NR5A1: variants seen among roughly 807,000 people sequenced by gnomAD.
The protein encoded by NR5A1 is steroidogenic factor 1.
A neutral mutation model predicts 42.7 loss-of-function variants in NR5A1; 6 were observed. That is an observed-to-expected ratio of 0.14 (90% CI 0.08 to 0.28). NR5A1 has a LOEUF of 0.28. Among genes scored for constraint, NR5A1 ranks in the 10% least tolerant of loss-of-function variants. The pLI is 1.00. For synonymous variants in NR5A1, 274 were observed against 277.5 expected, an observed-to-expected ratio of 0.99 and a Z score of 0.12; for missense variants, 442 against 626.4, an observed-to-expected ratio of 0.71 and a Z score of 3.14.
At chr9:124,502,961 T>C in intron 3 of NR5A1, 118 bp downstream of exon 3, 1 of 1,351,312 alleles carries the variant, frequency 7.4e-7, no homozygotes. Context: ...GGCCCTAATG[T>C]CGCACGAGGG....
intron 6 of NR5A1, among the ~76,000 whole-genome samples, chr9:124,487,684 G>T (rs1418556882): frequency 1.3e-5 from 2 of 152,198 alleles, no homozygotes; most frequent in African/African-American, 2.4e-5. Context: ...TCCGGCCCAG[G>T]GCGGAGCCGC....
In NR5A1 at chr9:124,493,017, A is replaced by AG; in HGVS notation, c.990+12dup. 1 of 1,579,598 alleles carries AG rather than the reference A, an allele frequency of 6.3e-7. No individual in the cohort carries two copies. Among genetic ancestry groups the AG allele is most frequent in the Non-Finnish European group, 8.6e-7 (1 of 1,163,602 alleles). ...AGGGCGGGGCCCAGGGGCGGGGCCG[A>AG]GGGACTGGTCACCTCCTGCCCGGTG... On this transcript the variant is annotated intron_variant, in intron 5 of 6. Coordinates refer to ENST00000373588, the MANE Select transcript of NR5A1 (RefSeq NM_004959.5).
At chr9:124,487,699 G>C (rs896595144) in intron 6 of NR5A1, among the ~76,000 whole-genome samples, 1 of 152,238 alleles carries the variant, frequency 6.6e-6, no homozygotes, top group Non-Finnish European at 1.5e-5. Flanking sequence ...AGCCGCCCCC[G>C]AGGGGGACGC....
chr9:124,499,985 G>C, intron 4 of NR5A1, 105 bp downstream of exon 4: 1 of 1,557,030 alleles, frequency 6.4e-7, no homozygotes, highest in South Asian at 1.1e-5. Flanking sequence ...GGTACTGCCT[G>C]AAGCCAGTGG....
intron 1 of NR5A1, among the ~76,000 whole-genome samples, chr9:124,504,918 C>T (rs1832531488): frequency 6.7e-6 from 1 of 148,152 alleles, no homozygotes; most frequent in South Asian, 2.1e-4. Flanking sequence ...CCCCGCACCG[C>T]CGCCGGGGCC....
At position 124,501,342 on chromosome 9, in the gene NR5A1, C is replaced by A. The variant is rs962281173; in HGVS notation, c.245-627G>T. Among the ~76,000 whole-genome samples the A allele has an allele frequency of 6.6e-6, 1 of 152,260 alleles. No homozygotes were observed. Among genetic ancestry groups the A allele is most frequent in the Non-Finnish European group, 1.5e-5 (1 of 68,052 alleles). On this transcript the variant is annotated intron_variant, in intron 3 of 6. Transcript: ENST00000373588. The surrounding 1 kb of genome is among the most constrained non-coding windows in gnomAD (Gnocchi z 4.1). ...GCTTCAAAATGACTCAAGTATCCTTCACTGGCTGCGAATGTGAAGCCAAGT... is the reference window on the plus strand; with the variant it reads ...GCTTCAAAATGACTCAAGTATCCTTAACTGGCTGCGAATGTGAAGCCAAGT...
At chr9:124,483,762 G>T (rs1398160990) in intron 6 of NR5A1, among the ~76,000 whole-genome samples, 1 of 152,218 alleles carries the variant, frequency 6.6e-6, no homozygotes, top group Non-Finnish European at 1.5e-5. Flanking sequence ...CACTGTGGGT[G>T]GGAGTATCCC....
In NR5A1 at chr9:124,496,576, C is replaced by G. The variant is rs1832393590; in HGVS notation, c.871-3427G>C. Among the ~76,000 whole-genome samples the G allele has an allele frequency of 6.6e-6, 1 of 152,150 alleles. No homozygotes were observed. The highest frequency in any genetic ancestry group is 6.5e-5 in the Admixed American group (1 of 15,278). On this transcript the variant is annotated intron_variant, in intron 4 of 6. Transcript: ENST00000373588. This position sits in a 1 kb window ranked among gnomAD's most constrained non-coding sequence, Gnocchi z 5.0. ...CCCAGCAGGGCCCCTCTGGAGCCCCCTGGGGTCCGATTGGTCTGGCTGTGA... is the reference window on the plus strand; with the variant it reads ...CCCAGCAGGGCCCCTCTGGAGCCCCGTGGGGTCCGATTGGTCTGGCTGTGA...
chr9:124,495,496 T>C (rs1012564727), intron 4 of NR5A1, among the ~76,000 whole-genome samples: 1 of 152,162 alleles, frequency 6.6e-6, no homozygotes, highest in African/African-American at 2.4e-5. Context: ...CCGGCCAGAC[T>C]TCTGGGGACC....
intron 5 of NR5A1, among the ~76,000 whole-genome samples, chr9:124,492,210 G>A (rs1402386989): frequency 6.6e-6 from 1 of 151,092 alleles, no homozygotes; most frequent in Non-Finnish European, 1.5e-5. Flanking sequence ...CCAGCAGGCT[G>A]GACCCTGGCC....
chr9:124,494,959 G>C (rs113414825), intron 4 of NR5A1, among the ~76,000 whole-genome samples: 193 of 152,332 alleles, frequency 1.3e-3, no homozygotes, highest in African/African-American at 4.3e-3. Flanking sequence ...CCCGCTCTCT[G>C]TTCCCCTTCT....
At chr9:124,502,931 C>G (rs1420190074) in intron 3 of NR5A1, 148 bp downstream of exon 3, 10 of 1,195,982 alleles carry the variant, frequency 8.4e-6, no homozygotes, top group Non-Finnish European at 9.1e-6. Flanking sequence ...CGCCAGCGCC[C>G]GGTTCTCTTG....
At chr9:124,506,101 G>C (rs905401208) in intron 1 of NR5A1, among the ~76,000 whole-genome samples, 1 of 152,234 alleles carries the variant, frequency 6.6e-6, no homozygotes, top group Non-Finnish European at 1.5e-5. Context: ...GGCTTCGGTT[G>C]GAGCTGGGCC....
chr9:124,500,075 G>C lies in NR5A1; in HGVS notation c.870+15C>G. ...ACCATGATGCAGGGCCAGCCGGGCG[G>C]GAGGAGAGACTCACCTCCAGCTCCT... is the stretch of plus-strand genomic sequence containing the variant. On this transcript the variant is annotated intron_variant, in intron 4 of 6. Transcript: ENST00000373588. This position sits in a 1 kb window ranked among gnomAD's most constrained non-coding sequence, Gnocchi z 6.9. The C allele has an allele frequency of 6.2e-7, 1 of 1,613,096 alleles. No homozygotes were observed. Among genetic ancestry groups the C allele is most frequent in the South Asian group, 1.1e-5 (1 of 91,084 alleles).
rs1345266701 is a variant in NR5A1 at position 124,481,735 on chromosome 9, T to C, written c.*1023A>G. The C allele has an allele frequency of 6.6e-6, 1 of 152,214 alleles. No individual in the cohort carries two copies. Among genetic ancestry groups the C allele is most frequent in the African/African-American group, 2.4e-5 (1 of 41,426 alleles). The allele number at this position is 152,214 out of a possible 1,614,324, so 9.4% of individuals were successfully genotyped here. ...TGAAGCCCCCAACAGGGCATCCTGC[T>C]GTTCACCTAGTGGGTGGAGGGCGGG... On this transcript the variant is annotated 3_prime_UTR_variant, in exon 7 of 7. Coordinates refer to ENST00000373588, the MANE Select transcript of NR5A1 (RefSeq NM_004959.5).
Position 124,501,692 on chromosome 9 carries a change from C to G in NR5A1, c.245-977G>C, listed in dbSNP as rs192972454. Among the ~76,000 whole-genome samples, 1 of 152,196 alleles carries G rather than the reference C, an allele frequency of 6.6e-6. No individual in the cohort carries two copies. Among genetic ancestry groups the G allele is most frequent in the Non-Finnish European group, 1.5e-5 (1 of 68,036 alleles). Reference sequence around the variant, plus strand: ...CTGCCCACAACAGCCAGCTATCTGGCCCCTTGGGACCTGGCACTAGGGGCA... The same window carrying G: ...CTGCCCACAACAGCCAGCTATCTGGGCCCTTGGGACCTGGCACTAGGGGCA... On this transcript the variant is annotated intron_variant, in intron 3 of 6. Coordinates refer to ENST00000373588, the MANE Select transcript of NR5A1 (RefSeq NM_004959.5). This position sits in a 1 kb window ranked among gnomAD's most constrained non-coding sequence, Gnocchi z 4.1.
Position 124,500,117 on chromosome 9 carries a change from G to C in NR5A1, c.843C>G (p.Arg281=). 1 of 1,613,134 alleles carries C rather than the reference G, an allele frequency of 6.2e-7. No individual in the cohort carries two copies. The highest frequency in any genetic ancestry group is 1.3e-5 in the African/African-American group (1 of 75,070). The change falls in exon 4 of 7, where the codon CGC becomes CGG. Residue 281 remains arginine (R), a synonymous_variant. Transcript: ENST00000373588. The surrounding 1 kb of genome is among the most constrained non-coding windows in gnomAD (Gnocchi z 6.9). ...CCAGCTCCTTGAAGACCATGCACCT[G>C]CGTGCCCAGTCCACGATGGAGATGA... is the stretch of plus-strand genomic sequence containing the variant. The part of the protein sequence containing the change: ...QTFISIVDWA[R]RCMVFKELEV...
At chr9:124,486,224 C>T (rs1041256214) in intron 6 of NR5A1, among the ~76,000 whole-genome samples, 5 of 152,156 alleles carry the variant, frequency 3.3e-5, no homozygotes, top group African/African-American at 1.2e-4. Context: ...AGGTCAGCCA[C>T]AGGGCCGGGG....
Position 124,500,043 on chromosome 9 carries a change from C to T in NR5A1, c.870+47G>A, listed in dbSNP as rs148733893. On this transcript the variant is annotated intron_variant, in intron 4 of 6. Transcript: ENST00000373588. This position sits in a 1 kb window ranked among gnomAD's most constrained non-coding sequence, Gnocchi z 6.9. ...ACAGTCGGGCTAAGGCTTGGGCAGC[C>T]GGGAGGACCATGATGCAGGGCCAGC... The T allele has an allele frequency of 7.9e-5, 128 of 1,612,794 alleles. No individual in the cohort carries two copies. The highest frequency in any genetic ancestry group is 4.8e-4 in the South Asian group (44 of 91,034).
Sources: allele counts gnomAD v4.1 joint callset (sites outside exome capture counted in the v4.1 genomes callset), GRCh38; gene constraint gnomAD v4.1.1; non-coding constraint Gnocchi (gnomAD v3.1); transcripts MANE v1.5; gene names NCBI Gene and HGNC (gene_info 2026-07-23, HGNC 2026-07-21).